PARD3B: variants seen among roughly 807,000 people sequenced by gnomAD.
The protein encoded by PARD3B is partitioning defective 3 homolog B.
Under a neutral mutation model 130.2 loss-of-function variants are expected in PARD3B, and 103 were observed. That is an observed-to-expected ratio of 0.79 (90% CI 0.67 to 0.93). The LOEUF (loss-of-function observed/expected upper bound fraction) is 0.93, where lower values mean the gene tolerates loss of function less well. Among genes scored for constraint, PARD3B ranks in the 40% least tolerant of loss-of-function variants. The pLI, the probability that PARD3B is intolerant of heterozygous loss-of-function variation, is 0.00. For synonymous variants in PARD3B, 583 were observed against 553.2 expected (o/e 1.05, Z -0.76); for missense variants, 1,609 against 1,499.2 (o/e 1.07, Z -1.21).
chr2:204,843,751 T>C (rs1489845039), intron 2 of PARD3B, among the ~76,000 whole-genome samples: 2 of 152,158 alleles, frequency 1.3e-5, no homozygotes, highest in African/African-American at 4.8e-5. Flanking sequence ...TCTGCCTTTG[T>C]CTGTTTAGAT....
At chr2:205,198,798 A>G (rs139376822) in intron 15 of PARD3B, among the ~76,000 whole-genome samples, 40 of 152,052 alleles carry the variant, frequency 2.6e-4, no homozygotes, top group African/African-American at 6.7e-4. Context: ...ACATAGGATA[A>G]TTTTTATAAA....
intron 2 of PARD3B, among the ~76,000 whole-genome samples, chr2:204,924,933 T>C (rs1687482440): frequency 6.6e-6 from 1 of 151,418 alleles, no homozygotes; most frequent in African/African-American, 2.4e-5. Context: ...GAAGAAATTC[T>C]GCCAACTGTA....
intron 2 of PARD3B, among the ~76,000 whole-genome samples, chr2:204,878,374 A>G (rs1026517517): frequency 7.2e-5 from 11 of 152,302 alleles, no homozygotes; most frequent in African/African-American, 1.9e-4. Context: ...TTACTGTTCA[A>G]TAACACAGAA....
intron 2 of PARD3B, among the ~76,000 whole-genome samples, chr2:204,953,729 C>A (rs533033158): frequency 3.3e-5 from 5 of 152,302 alleles, no homozygotes; most frequent in Admixed American, 3.3e-4. Flanking sequence ...ATGGTCACAG[C>A]AACCTAGATT....
intron 4 of PARD3B, among the ~76,000 whole-genome samples, chr2:205,076,543 A>G (rs1483462570): frequency 1.3e-5 from 2 of 152,134 alleles, no homozygotes; most frequent in African/African-American, 2.4e-5. Context: ...CCAGCCATGG[A>G]CTAGTACTGG....
At chr2:204,556,116 A>G (rs1574454893) in intron 1 of PARD3B, among the ~76,000 whole-genome samples, 1 of 152,190 alleles carries the variant, frequency 6.6e-6, no homozygotes, top group Admixed American at 6.5e-5. Context: ...GTTCTTTTCA[A>G]AGAAATAATT....
intron 2 of PARD3B, among the ~76,000 whole-genome samples, chr2:204,758,202 C>A (rs950403044): frequency 6.6e-6 from 1 of 152,090 alleles, no homozygotes; most frequent in African/African-American, 2.4e-5. Context: ...GGCAGCTGAG[C>A]CCCAAGATGG....
chr2:205,499,027 A>G (rs1408747904), intron 20 of PARD3B, among the ~76,000 whole-genome samples: 2 of 152,156 alleles, frequency 1.3e-5, no homozygotes, highest in Admixed American at 1.3e-4. Flanking sequence ...CGTCTGGTGC[A>G]ATGGGGCACT....
chr2:205,333,354 C>T (rs1458037899), intron 18 of PARD3B, among the ~76,000 whole-genome samples: 2 of 151,930 alleles, frequency 1.3e-5, no homozygotes, highest in East Asian at 1.9e-4. Context: ...TTTTCTATTG[C>T]TTATATATTG....
rs578006667 is a variant in PARD3B at position 205,540,518 on chromosome 2, A to G, written c.3181-12806A>G. On this transcript the variant is annotated intron_variant, in intron 21 of 22. Coordinates refer to ENST00000406610, the MANE Select transcript of PARD3B (RefSeq NM_001302769.2). ...TATTGAAATCAAAACATTCAATGCA[A>G]TGAGCCCTTCGGACAGGTTTTTGAG... Among the ~76,000 whole-genome samples the G allele has an allele frequency of 4.9e-4, 74 of 152,328 alleles. 2 individuals are homozygous for G. In the South Asian group the frequency reaches 0.015, roughly 30 times the overall value.
intron 2 of PARD3B, among the ~76,000 whole-genome samples, chr2:204,841,242 G>A (rs1232240026): frequency 6.6e-6 from 1 of 152,054 alleles, no homozygotes; most frequent in Non-Finnish European, 1.5e-5. Context: ...CTAGTGCATG[G>A]AAGCTCCAAA....
intron 1 of PARD3B, among the ~76,000 whole-genome samples, chr2:204,568,166 A>G (rs1287808020): frequency 2.0e-5 from 3 of 152,220 alleles, no homozygotes; most frequent in Admixed American, 6.5e-5. Context: ...GGGTTTGTAG[A>G]CCATACCTGA....
At chr2:205,614,193 C>G (rs1339917145) in intron 22 of PARD3B, among the ~76,000 whole-genome samples, 1 of 152,166 alleles carries the variant, frequency 6.6e-6, no homozygotes. Context: ...AGGCACACTG[C>G]TTCTGTTATG....
intron 3 of PARD3B, among the ~76,000 whole-genome samples, chr2:205,017,057 G>C (rs1696201749): frequency 6.6e-6 from 1 of 152,116 alleles, no homozygotes; most frequent in African/African-American, 2.4e-5. Flanking sequence ...GTAGGAAATA[G>C]TGAGAAATGA....
chr2:204,714,698 T>C (rs1237805549), intron 2 of PARD3B, among the ~76,000 whole-genome samples: 1 of 152,200 alleles, frequency 6.6e-6, no homozygotes, highest in Non-Finnish European at 1.5e-5. Context: ...TAATGTCTAC[T>C]TATCTCTATG....
At chr2:205,069,818 G>C (rs1280263076) in intron 4 of PARD3B, among the ~76,000 whole-genome samples, 2 of 152,072 alleles carry the variant, frequency 1.3e-5, no homozygotes, top group Admixed American at 1.3e-4. Context: ...AGATTTCCAG[G>C]TGTGAGGCAG....
chr2:205,331,000 A>G (rs1171790658), intron 18 of PARD3B, among the ~76,000 whole-genome samples: 2 of 152,340 alleles, frequency 1.3e-5, no homozygotes, highest in Non-Finnish European at 2.9e-5. Context: ...GACGGAAAAG[A>G]AAAAGCAGAA....
In PARD3B at chr2:205,579,718, T is replaced by A. The variant is rs548408134; in HGVS notation, c.3260+26315T>A. On this transcript the variant is annotated intron_variant, in intron 22 of 22. Coordinates refer to ENST00000406610, the MANE Select transcript of PARD3B (RefSeq NM_001302769.2). ...AGTTAAAGGATTCCCTTTTCTCTAA[T>A]TGAAACGACAGCATATTCTTTCACA... Among the ~76,000 whole-genome samples the A allele has an allele frequency of 1.3e-4, 20 of 152,352 alleles. No homozygotes were observed. In the South Asian group the frequency reaches 3.9e-3, roughly 30 times the overall value.
At chr2:205,493,752 T>G in intron 20 of PARD3B, among the ~76,000 whole-genome samples, 1 of 147,612 alleles carries the variant, frequency 6.8e-6, no homozygotes. Context: ...ATTTATTTAT[T>G]TATTTATTTA....
Sources: allele counts gnomAD v4.1 joint callset (sites outside exome capture counted in the v4.1 genomes callset), GRCh38; gene constraint gnomAD v4.1.1; transcripts MANE v1.5; gene names NCBI Gene and HGNC (gene_info 2026-07-23, HGNC 2026-07-21).